Variants in NT5C2 observed in about 807,000 individuals in gnomAD.
The protein encoded by NT5C2 is 5'-nucleotidase, cytosolic II, also known as cytosolic purine 5'-nucleotidase.
NT5C2 carries 58 observed loss-of-function variants against 76.1 expected under a neutral mutation model. The observed-to-expected ratio is 0.76, with a 90% CI of 0.62 to 0.95. NT5C2 has a LOEUF of 0.95. Ranked by LOEUF, NT5C2 falls within the 40% of genes least tolerant of loss-of-function variation. The pLI, the probability that NT5C2 is intolerant of heterozygous loss-of-function variation, is 0.00. For missense variants in NT5C2, 478 were observed against 690.3 expected, an observed-to-expected ratio of 0.69 and a Z score of 3.45; for synonymous variants, 229 against 237.4, an observed-to-expected ratio of 0.96 and a Z score of 0.32.
intron 3 of NT5C2, chr10:103,146,061 T>C: frequency 2.0e-6 from 2 of 985,454 alleles, no homozygotes; most frequent in South Asian, 4.7e-5. Context: ...TTTTGAAAAG[T>C]GTAAAACTAT....
intron 1 of NT5C2, among the ~76,000 whole-genome samples, chr10:103,182,347 T>C (rs912669626): frequency 3.3e-5 from 5 of 152,148 alleles, no homozygotes; most frequent in African/African-American, 7.2e-5. Flanking sequence ...TAATTTTGTA[T>C]TTAAAATACA....
chr10:103,192,201 C>A (rs556781578), intron 1 of NT5C2, among the ~76,000 whole-genome samples: 1 of 152,056 alleles, frequency 6.6e-6, no homozygotes, highest in Non-Finnish European at 1.5e-5. Flanking sequence ...CTTGAAGAGG[C>A]GAAATGAATA....
At chr10:103,111,667 T>G (rs2073069605) in intron 4 of NT5C2, 1 of 968,596 alleles carries the variant, frequency 1.0e-6, no homozygotes, top group African/African-American at 1.7e-5. Context: ...TAGTAATTTA[T>G]AGATTTAGAA....
intron 3 of NT5C2, among the ~76,000 whole-genome samples, chr10:103,152,058 A>G (rs2082506289): frequency 6.6e-6 from 1 of 152,194 alleles, no homozygotes; most frequent in South Asian, 2.1e-4. Context: ...ACTTCCAAGA[A>G]CTTTAACCGC....
At chr10:103,129,625 G>C (rs922152605) in intron 4 of NT5C2, among the ~76,000 whole-genome samples, 1 of 98,252 alleles carries the variant, frequency 1.0e-5, no homozygotes, top group African/African-American at 4.0e-5. Flanking sequence ...AGGGAGGTGG[G>C]GGGGGGTCAG....
At chr10:103,164,496 T>C (rs373915630) in intron 3 of NT5C2, among the ~76,000 whole-genome samples, 2 of 152,246 alleles carry the variant, frequency 1.3e-5, no homozygotes, top group East Asian at 1.9e-4. Flanking sequence ...GACCTTGTGA[T>C]CCACCTGCTT....
intron 3 of NT5C2, among the ~76,000 whole-genome samples, chr10:103,169,735 C>T (rs774442254): frequency 9.9e-5 from 15 of 151,998 alleles, no homozygotes; most frequent in Non-Finnish European, 1.9e-4. Flanking sequence ...AATTCCAGCA[C>T]TTTTGGAGGC....
chr10:103,173,602 A>C, intron 3 of NT5C2, among the ~76,000 whole-genome samples: 1 of 117,906 alleles, frequency 8.5e-6, no homozygotes, highest in East Asian at 2.6e-4. Context: ...AGGGAGCGAG[A>C]CGCCGTCTCA....
chr10:103,100,835 C>T (rs1337016250), intron 8 of NT5C2: 1 of 670,646 alleles, frequency 1.5e-6, no homozygotes, highest in South Asian at 1.5e-5. Flanking sequence ...GGCTGCAGCA[C>T]ACTGGCAAGG....
At chr10:103,136,620 T>A (rs1220815624) in intron 4 of NT5C2, among the ~76,000 whole-genome samples, 1 of 141,264 alleles carries the variant, frequency 7.1e-6, no homozygotes, top group Admixed American at 7.3e-5. Flanking sequence ...ACAGATTCAG[T>A]TAATTATTTT....
chr10:103,124,750 C>A (rs2076349735), intron 4 of NT5C2, among the ~76,000 whole-genome samples: 1 of 151,830 alleles, frequency 6.6e-6, no homozygotes, highest in Non-Finnish European at 1.5e-5. Context: ...GGGATCCAAC[C>A]CAGGTCTACC....
At chr10:103,091,706 ACT>A in intron 15 of NT5C2, 91 bp from the exon 16 acceptor site, 1 of 1,048,278 alleles carries the variant, frequency 9.5e-7, no homozygotes. Flanking sequence ...TGCAGATGTG[ACT>A]GGAAAGTAGA....
At chr10:103,130,224 G>A (rs913489029) in intron 4 of NT5C2, among the ~76,000 whole-genome samples, 1 of 151,610 alleles carries the variant, frequency 6.6e-6, no homozygotes, top group African/African-American at 2.4e-5. Context: ...AAATTCCTCT[G>A]CCTTGGGATC....
chr10:103,156,583 C>A (rs1228791840), intron 3 of NT5C2, among the ~76,000 whole-genome samples: 1 of 150,798 alleles, frequency 6.6e-6, no homozygotes, highest in South Asian at 2.1e-4. Flanking sequence ...TGGCGAAACC[C>A]CATCTCTACT....
At chr10:103,090,810 T>C in intron 17 of NT5C2, 23 bp from the exon 18 acceptor site, 1 of 1,612,258 alleles carries the variant, frequency 6.2e-7, no homozygotes. Flanking sequence ...ACAAGATTGA[T>C]TCTTGGCTCA....
At chr10:103,097,219 C>G in intron 11 of NT5C2, 72 bp downstream of exon 11, 1 of 1,151,708 alleles carries the variant, frequency 8.7e-7, no homozygotes, top group Non-Finnish European at 1.3e-6. Context: ...TTCTATCTTC[C>G]TCATTGTCTT....
intron 4 of NT5C2, among the ~76,000 whole-genome samples, chr10:103,113,768 A>C (rs1226045627): frequency 6.6e-6 from 1 of 152,234 alleles, no homozygotes; most frequent in Admixed American, 6.5e-5. Context: ...CAAAAAGAGG[A>C]CCAATCAATC....
intron 1 of NT5C2, among the ~76,000 whole-genome samples, chr10:103,192,997 G>T (rs906881701): frequency 3.3e-5 from 5 of 152,040 alleles, no homozygotes; most frequent in Non-Finnish European, 7.4e-5. Context: ...CGCGGAGGAA[G>T]GGGCTGCCGT....
At chr10:103,105,135 ATATTTT>A (rs1336262165) in intron 6 of NT5C2, among the ~76,000 whole-genome samples, 5 of 152,184 alleles carry the variant, frequency 3.3e-5, no homozygotes, top group Admixed American at 1.3e-4. Flanking sequence ...AATAGTGGAA[ATATTTT>A]TATTTTGAAA....
Sources: gnomAD v4.1 joint callset for allele counts (sites outside exome capture counted in the v4.1 genomes callset) on GRCh38, gnomAD v4.1.1 for gene constraint, MANE v1.5 for transcripts, NCBI Gene and HGNC (gene_info 2026-07-23, HGNC 2026-07-21) for gene names.